The following DNAH1 variants were observed in gnomAD, a reference collection of about 807,000 sequenced individuals.
DNAH1 encodes dynein axonemal heavy chain 1.
In DNAH1, 327 loss-of-function variants were observed where a neutral mutation model predicts 484.3. That is an observed-to-expected ratio of 0.68 (90% confidence interval 0.62 to 0.74). DNAH1 has a LOEUF of 0.74. Among genes scored for constraint, DNAH1 ranks in the 30% least tolerant of loss-of-function variants. The pLI is 0.00. For missense variants in DNAH1, 5,052 were observed against 5,546.8 expected (o/e 0.91, Z 2.83); for synonymous variants, 2,192 against 2,191.9 (o/e 1.00, Z 0.00).
upstream of DNAH1, among the ~76,000 whole-genome samples, chr3:52,313,770 T>C (rs1700866613): frequency 6.6e-6 from 1 of 152,136 alleles, no homozygotes; most frequent in African/African-American, 2.4e-5. Flanking sequence ...GCAAGGGCAG[T>C]GCTTTTGCCA....
At chr3:52,359,197 G>T in intron 25 of DNAH1, 49 bp from the exon 26 acceptor site, 1 of 1,545,150 alleles carries the variant, frequency 6.5e-7, no homozygotes, top group Non-Finnish European at 8.8e-7. Context: ...GAAAGAATGG[G>T]ATTGGGGCTG....
intron 8 of DNAH1, among the ~76,000 whole-genome samples, chr3:52,343,460 G>A (rs891858109): frequency 6.6e-6 from 1 of 152,104 alleles, no homozygotes; most frequent in African/African-American, 2.4e-5. Context: ...GATGAAATTC[G>A]AGGGACTTCA....
intron 65 of DNAH1, 92 bp from the exon 66 acceptor site, chr3:52,393,242 G>T: frequency 6.3e-7 from 1 of 1,576,558 alleles, no homozygotes; most frequent in Non-Finnish European, 8.7e-7. Context: ...CTGCCCCTAC[G>T]GCTGCTGGGG....
chr3:52,372,468 A>C, intron 43 of DNAH1, 81 bp downstream of exon 43: 8 of 1,556,236 alleles, frequency 5.1e-6, no homozygotes, highest in Non-Finnish European at 7.0e-6. Flanking sequence ...TCTCCACCAA[A>C]TTATGCTCCT....
chr3:52,321,740 G>A (rs190673434), intron 1 of DNAH1: 1 of 152,446 alleles, frequency 6.6e-6, no homozygotes, highest in East Asian at 1.9e-4. Flanking sequence ...GACTCTGAGA[G>A]CCAGGGTGGG....
intron 45 of DNAH1, among the ~76,000 whole-genome samples, chr3:52,375,691 G>A (rs1703559636): frequency 6.6e-6 from 1 of 152,224 alleles, no homozygotes; most frequent in African/African-American, 2.4e-5. Flanking sequence ...ATTGCTGGAT[G>A]TATGATGCAC....
chr3:52,384,221 G>GACT (rs1703997535), intron 52 of DNAH1, among the ~76,000 whole-genome samples, 190 bp downstream of exon 52: 1 of 152,238 alleles, frequency 6.6e-6, no homozygotes, highest in African/African-American at 2.4e-5. Flanking sequence ...TCATCACAGT[G>GACT]ACTAGGGTGC....
chr3:52,349,676 G>A (rs1447188269), intron 14 of DNAH1, among the ~76,000 whole-genome samples: 1 of 152,180 alleles, frequency 6.6e-6, no homozygotes, highest in Non-Finnish European at 1.5e-5. Context: ...AAAGCCTCAC[G>A]AAGGACACCC....
intron 44 of DNAH1, chr3:52,373,803 C>A: frequency 7.0e-7 from 1 of 1,422,802 alleles, no homozygotes; most frequent in South Asian, 1.2e-5. Flanking sequence ...ATATATCACC[C>A]ATAATTGGAA....
chr3:52,366,636 C>T, intron 35 of DNAH1, 88 bp downstream of exon 35: 1 of 1,552,390 alleles, frequency 6.4e-7, no homozygotes, highest in South Asian at 1.2e-5. Context: ...TCCATTTGTG[C>T]CCCTTGGCAT....
rs1702085506 is a variant in DNAH1 at position 52,344,955 on chromosome 3, G to A, written c.1444+308G>A. On this transcript the variant is annotated intron_variant, in intron 9 of 77. Transcript: ENST00000420323. ...AGGGGCTCTGCTGATCAGACCTAGA[G>A]GATAGTCCTTCTTCCTCCAGTAGCA... Among the ~76,000 whole-genome samples the A allele has an allele frequency of 2.0e-5, 3 of 152,326 alleles. No individual in the cohort carries two copies. In the South Asian group the frequency reaches 6.2e-4, roughly 32 times the overall value.
upstream of DNAH1, among the ~76,000 whole-genome samples, chr3:52,315,480 G>A (rs1374341342): frequency 6.6e-6 from 1 of 152,222 alleles, no homozygotes; most frequent in African/African-American, 2.4e-5. Flanking sequence ...CTCCATGCTG[G>A]AAAGGCATGG....
Position 52,366,618 on chromosome 3 carries a change from G to C in DNAH1, c.5610+70G>C. ...TGTAGGGGGGTGCAGCTTCAACAGG[G>C]GTTGGCCTCCATTTGTGCCCCTTGG... is the stretch of plus-strand genomic sequence containing the variant. On this transcript the variant is annotated intron_variant, in intron 35 of 77. Transcript: ENST00000420323. 4 of 1,553,686 alleles carry C rather than the reference G, an allele frequency of 2.6e-6. 1 individual carries two copies. The South Asian group carries it at 4.7e-5, about 18-fold the overall frequency.
Position 52,392,160 on chromosome 3 carries a change from T to C in DNAH1, c.10053-304T>C, listed in dbSNP as rs79028615. On this transcript the variant is annotated intron_variant, in intron 63 of 77. Transcript: ENST00000420323. The stretch of plus-strand genomic sequence containing the variant: ...ACACCCTGAAGGCCTGCCCTGGGTA[T>C]CACAGCCCCCACTTGCCAAGGAGGT... Among the ~76,000 whole-genome samples the C allele has an allele frequency of 1.7e-3, 256 of 152,292 alleles. 3 individuals are homozygous for C. The East Asian group carries it at 0.047, about 28-fold the overall frequency.
intron 8 of DNAH1, among the ~76,000 whole-genome samples, chr3:52,342,291 C>T (rs1363940348): frequency 1.3e-5 from 2 of 152,246 alleles, no homozygotes; most frequent in East Asian, 3.8e-4. Flanking sequence ...ACAGTCTGTG[C>T]AGGCCATGGG....
In DNAH1 at chr3:52,361,047, C is replaced by T; in HGVS notation, c.4686-117C>T. ...CTGACCCCGGAGCCAGGGCTGGGCA[C>T]ACCCCAGCCCACCAAAAGGGGACGG... On this transcript the variant is annotated intron_variant, in intron 28 of 77. Transcript: ENST00000420323. The surrounding 1 kb of genome is among the most constrained non-coding windows in gnomAD (Gnocchi z 5.6). 9.8e-7 allele frequency: 1 copy of T among 1,022,526 alleles called. No homozygotes were observed. The highest frequency in any genetic ancestry group is 1.3e-6 in the Non-Finnish European group (1 of 763,118). The allele number at this position is 1,022,526 out of a possible 1,614,324, so 63.3% of individuals were successfully genotyped here.
chr3:52,392,592 T>C lies in DNAH1; in HGVS notation c.10181T>C (p.Ile3394Thr). The change falls in exon 64 of 78, where the codon ATC (isoleucine) becomes ACC (threonine). Residue 3394 changes from isoleucine (I) to threonine (T), a missense_variant. By Grantham distance (89) the Ile-to-Thr change is moderately conservative. Transcript: ENST00000420323. ...GAGCTGAAGGACATTGAGGACCAGA[T>C]CCTGTACCGGCTCAGCTCCTCCGAG... The part of the protein sequence containing the change: ...RQELKDIEDQ[I>T]LYRLSSSEGN... 2.5e-6 allele frequency: 4 copies of C among 1,613,856 alleles called. No individual in the cohort carries two copies. Among genetic ancestry groups the C allele is most frequent in the Non-Finnish European group, 3.4e-6 (4 of 1,179,852 alleles).
intron 43 of DNAH1, 96 bp from the exon 44 acceptor site, chr3:52,372,800 G>T: frequency 6.7e-7 from 1 of 1,493,734 alleles, no homozygotes. Context: ...AATTTAGCAA[G>T]GGCTTCCCAG....
Position 52,392,928 on chromosome 3 carries a change from T to C in DNAH1, c.10377T>C (p.Cys3459=). The change falls in exon 65 of 78, where the codon TGT becomes TGC. Residue 3459 remains cysteine, a synonymous_variant. Transcript: ENST00000420323. The part of the protein sequence containing the change: ...VAIRTQILFF[C]VSDLANVDPM... ...TCCGCACCCAGATCCTCTTCTTCTG[T>C]GTGTCCGACCTGGCCAACGTGGACC... The C allele has an allele frequency of 1.2e-6, 2 of 1,612,400 alleles. No homozygotes were observed. Among genetic ancestry groups the C allele is most frequent in the Non-Finnish European group, 1.7e-6 (2 of 1,179,302 alleles).
Sources: gnomAD v4.1 joint callset for allele counts (sites outside exome capture counted in the v4.1 genomes callset) on GRCh38, gnomAD v4.1.1 for gene constraint, Gnocchi (gnomAD v3.1) non-coding constraint, MANE v1.5 for transcripts, NCBI Gene and HGNC (gene_info 2026-07-23, HGNC 2026-07-21) for gene names.